The following CNBD1 variants were observed in gnomAD, a reference collection of about 807,000 sequenced individuals.
CNBD1 encodes cyclic nucleotide-binding domain-containing protein 1.
A neutral mutation model predicts 54.4 loss-of-function variants in CNBD1; 71 were observed. The ratio of observed to expected loss-of-function variants is 1.30; its 90% CI spans 1.08 to 1.59. The LOEUF is 1.59. Among genes scored for constraint, CNBD1 ranks in the 40% most tolerant of loss-of-function variants. The pLI is 0.00. For missense variants in CNBD1, 659 were observed against 518.0 expected (o/e 1.27, Z -2.64); for synonymous variants, 182 against 170.7 (o/e 1.07, Z -0.51).
chr8:87,387,699 A>G (rs1428621188), downstream of CNBD1, among the ~76,000 whole-genome samples: 1 of 152,186 alleles, frequency 6.6e-6, no homozygotes, highest in Non-Finnish European at 1.5e-5. Flanking sequence ...CAGATCAATG[A>G]GACAGAAAGT....
chr8:87,416,907 G>A (rs1807846768), intron 2 of CNBD1, among the ~76,000 whole-genome samples: 1 of 151,912 alleles, frequency 6.6e-6, no homozygotes, highest in Admixed American at 6.6e-5. Flanking sequence ...CATGTAAAAA[G>A]GATTATAAAC....
chr8:87,266,933 T>C (rs557578346), intron 6 of CNBD1, among the ~76,000 whole-genome samples: 3 of 152,296 alleles, frequency 2.0e-5, no homozygotes, highest in African/African-American at 7.2e-5. Flanking sequence ...ACTTCGAATA[T>C]TTTAGGTGCT....
chr8:87,372,599 C>G (rs1394719502), intron 10 of CNBD1, among the ~76,000 whole-genome samples: 3 of 151,806 alleles, frequency 2.0e-5, no homozygotes, highest in Non-Finnish European at 2.9e-5. Flanking sequence ...CTGTTATAAA[C>G]ATTGATGACA....
At chr8:87,267,473 G>C (rs1302421748) in intron 6 of CNBD1, among the ~76,000 whole-genome samples, 3 of 152,054 alleles carry the variant, frequency 2.0e-5, no homozygotes, top group Non-Finnish European at 2.9e-5. Context: ...AAAACGGGTT[G>C]GTATTAGATG....
chr8:87,121,318 C>T (rs1811884230), intron 4 of CNBD1, among the ~76,000 whole-genome samples: 1 of 151,358 alleles, frequency 6.6e-6, no homozygotes, highest in Admixed American at 6.6e-5. Context: ...TAAAATTAGA[C>T]TACAAAATTG....
intron 4 of CNBD1, among the ~76,000 whole-genome samples, chr8:86,970,469 AT>A (rs144578645): frequency 0.019 from 2,893 of 151,816 alleles, 92 homozygotes; most frequent in African/African-American, 0.059. Flanking sequence ...TTCAATTTTT[AT>A]TTTAGATTTA....
chr8:87,170,832 G>A (rs191774741), intron 4 of CNBD1, among the ~76,000 whole-genome samples: 1 of 152,190 alleles, frequency 6.6e-6, no homozygotes, highest in African/African-American at 2.4e-5. Flanking sequence ...TCTTGCATAT[G>A]TTTAACCATT....
chr8:87,330,848 AATAC>A (rs1349355133), intron 8 of CNBD1, among the ~76,000 whole-genome samples: 1 of 152,158 alleles, frequency 6.6e-6, no homozygotes, highest in Non-Finnish European at 1.5e-5. Flanking sequence ...TTAACTGTGA[AATAC>A]ATATATATAA....
intron 6 of CNBD1, among the ~76,000 whole-genome samples, chr8:87,263,820 A>T (rs1808192327): frequency 6.6e-6 from 1 of 152,258 alleles, no homozygotes; most frequent in South Asian, 2.1e-4. Context: ...AATGTAAAAC[A>T]TTAGCAGGCA....
At chr8:87,083,386 T>C (rs1300622808) in intron 4 of CNBD1, among the ~76,000 whole-genome samples, 1 of 152,248 alleles carries the variant, frequency 6.6e-6, no homozygotes, top group South Asian at 2.1e-4. Flanking sequence ...ATTACCTCTA[T>C]GGGCAGCCAC....
At chr8:87,422,407 G>A (rs1184703265) in intron 2 of CNBD1, among the ~76,000 whole-genome samples, 1 of 147,514 alleles carries the variant, frequency 6.8e-6, no homozygotes, top group African/African-American at 2.6e-5. Flanking sequence ...TATGGTTTAG[G>A]TCTAACGTTT....
chr8:86,943,593 A>C (rs893128957), intron 4 of CNBD1, among the ~76,000 whole-genome samples: 13 of 152,046 alleles, frequency 8.6e-5, no homozygotes, highest in Non-Finnish European at 1.5e-5. Flanking sequence ...GGGTGGTGCC[A>C]CCATAAAGGA....
chr8:87,353,784 T>C lies in CNBD1; in HGVS notation c.1301T>C (p.Phe434Ser). The C allele has an allele frequency of 6.3e-7, 1 of 1,597,218 alleles. No homozygotes were observed. Among genetic ancestry groups the C allele is most frequent in the Non-Finnish European group, 8.5e-7 (1 of 1,173,442 alleles). Residue 434 changes from phenylalanine (F) to serine (S), a missense_variant and splice_region_variant, in exon 10 of 11, where the codon TTT becomes TCT. Physicochemically the swap from Phe to Ser is radical, Grantham distance 155. Transcript: ENST00000518476. ...EMAIIEDKDLFVA is the reference protein window; with the variant it reads ...EMAIIEDKDLSVA ...GCAATCATTGAAGATAAGGACCTATTTGGTAAATGCATAAATATCTTTTAA... is the reference window on the plus strand; with the variant it reads ...GCAATCATTGAAGATAAGGACCTATCTGGTAAATGCATAAATATCTTTTAA...
chr8:87,116,986 A>G (rs1031045776), intron 4 of CNBD1, among the ~76,000 whole-genome samples: 4 of 152,062 alleles, frequency 2.6e-5, no homozygotes, highest in Non-Finnish European at 4.4e-5. Flanking sequence ...AGGGCAGACA[A>G]TCTGTCTTTT....
At chr8:87,357,754 A>G (rs1810449365) in intron 10 of CNBD1, among the ~76,000 whole-genome samples, 3 of 152,266 alleles carry the variant, frequency 2.0e-5, no homozygotes, top group Admixed American at 2.0e-4. Flanking sequence ...ATATATTGCA[A>G]TGTGAGAAGG....
intron 8 of CNBD1, among the ~76,000 whole-genome samples, chr8:87,324,814 C>T (rs1377053636): frequency 8.1e-6 from 1 of 123,506 alleles, no homozygotes; most frequent in Non-Finnish European, 1.8e-5. Flanking sequence ...CAGTTCTGCT[C>T]GGATTTTAGT....
chr8:87,091,586 C>T (rs903474548), intron 4 of CNBD1, among the ~76,000 whole-genome samples: 3 of 152,114 alleles, frequency 2.0e-5, no homozygotes, highest in African/African-American at 7.2e-5. Context: ...TTCAATAGCT[C>T]AGCAAACAAA....
At chr8:87,342,549 A>G (rs763332695) in intron 8 of CNBD1, among the ~76,000 whole-genome samples, 3 of 152,202 alleles carry the variant, frequency 2.0e-5, no homozygotes, top group Non-Finnish European at 2.9e-5. Flanking sequence ...CCAGCCCCCA[A>G]TATTTCAACA....
intron 8 of CNBD1, among the ~76,000 whole-genome samples, chr8:87,316,033 A>G (rs1809377128): frequency 2.6e-5 from 4 of 152,088 alleles, no homozygotes; most frequent in Non-Finnish European, 4.4e-5. Context: ...GGTAAAAAAC[A>G]TAAATTGAAA....
Sources: gnomAD v4.1 joint callset for allele counts (sites outside exome capture counted in the v4.1 genomes callset) on GRCh38, gnomAD v4.1.1 for gene constraint, MANE v1.5 for transcripts, NCBI Gene and HGNC (gene_info 2026-07-23, HGNC 2026-07-21) for gene names.